PHKB: variants seen among roughly 807,000 people sequenced by gnomAD.
The protein encoded by PHKB is phosphorylase b kinase regulatory subunit beta.
PHKB carries 122 observed loss-of-function variants against 152.1 expected under a neutral mutation model. That is an observed-to-expected ratio of 0.80 (90% CI 0.69 to 0.93). PHKB has a LOEUF of 0.93. Ranked by LOEUF, PHKB falls within the 40% of genes least tolerant of loss-of-function variation. The pLI is 0.00. For missense variants in PHKB, 1,304 were observed against 1,328.4 expected (o/e 0.98, Z 0.29); for synonymous variants, 436 against 464.9 (o/e 0.94, Z 0.80).
At chr16:47,597,100 G>T (rs768024133) in intron 13 of PHKB, among the ~76,000 whole-genome samples, 1 of 152,074 alleles carries the variant, frequency 6.6e-6, no homozygotes. Context: ...CACAGAAAAA[G>T]CATTATGCAT....
intron 10 of PHKB, among the ~76,000 whole-genome samples, chr16:47,592,730 G>C (rs1972049334): frequency 6.6e-6 from 1 of 152,174 alleles, no homozygotes; most frequent in South Asian, 2.1e-4. Flanking sequence ...TTTTGTCTTA[G>C]TAGCTCTCTG....
At chr16:47,526,699 A>G (rs550003310) in intron 6 of PHKB, among the ~76,000 whole-genome samples, 26 of 152,330 alleles carry the variant, frequency 1.7e-4, no homozygotes, top group Non-Finnish European at 3.1e-4. Flanking sequence ...GAGAAATACC[A>G]TGGAACAAAA....
At chr16:47,495,910 A>G (rs1311357172) in intron 1 of PHKB, among the ~76,000 whole-genome samples, 1 of 152,208 alleles carries the variant, frequency 6.6e-6, no homozygotes, top group African/African-American at 2.4e-5. Flanking sequence ...CGCTCAGAGC[A>G]AGTCTTATCT....
chr16:47,476,441 C>G (rs1969870011), intron 1 of PHKB, among the ~76,000 whole-genome samples: 1 of 152,026 alleles, frequency 6.6e-6, no homozygotes, highest in South Asian at 2.1e-4. Context: ...TATCCCAATT[C>G]TTAATAGGCT....
intron 26 of PHKB, 144 bp from the exon 27 acceptor site, chr16:47,688,897 T>C (rs552046906): frequency 3.6e-6 from 3 of 834,060 alleles, no homozygotes; most frequent in African/African-American, 3.3e-5. Context: ...TGGAAGTAAT[T>C]GTATCAACGG....
rs1041004846 is a variant in PHKB, at chr16:47,672,446, C to G, written c.2630+3029C>G. 2.0e-5 allele frequency among the ~76,000 whole-genome samples: 3 copies of G among 152,250 alleles called. No homozygotes were observed. In the East Asian group the frequency reaches 5.8e-4, roughly 29 times the overall value. On this transcript the variant is annotated intron_variant, in intron 26 of 30. Coordinates refer to ENST00000323584, the MANE Select transcript of PHKB (RefSeq NM_000293.3). ...TCTCTGTACATGGTATAAAAGTACTCTATTGTCACAGACTCAGGCATTGAT... is the reference window on the plus strand; with the variant it reads ...TCTCTGTACATGGTATAAAAGTACTGTATTGTCACAGACTCAGGCATTGAT...
At chr16:47,675,259 A>C (rs1973706552) in intron 26 of PHKB, among the ~76,000 whole-genome samples, 1 of 152,206 alleles carries the variant, frequency 6.6e-6, no homozygotes, top group African/African-American at 2.4e-5. Context: ...TACCCTGGTC[A>C]GTAACAGCGG....
In PHKB at chr16:47,664,948, T is replaced by G. The variant is rs759086628; in HGVS notation, c.2400T>G (p.Ile800Met). Residue 800 changes from isoleucine to methionine, a missense_variant, in exon 25 of 31, where the codon ATT (isoleucine) becomes ATG (methionine). Transcript: ENST00000323584. ...TTTCTTCCTCTATAGCCCCACACATTACTACTTTTCTGGTACATGGGAAAC... is the reference window on the plus strand; with the variant it reads ...TTTCTTCCTCTATAGCCCCACACATGACTACTTTTCTGGTACATGGGAAAC... ...QKFSSSIAPH[I>M]TTFLVHGKQV... The G allele has an allele frequency of 3.7e-6, 6 of 1,613,118 alleles. No individual in the cohort carries two copies. The highest frequency in any genetic ancestry group is 1.3e-5 in the African/African-American group (1 of 74,882).
At chr16:47,684,716 G>A (rs952932285) in intron 26 of PHKB, among the ~76,000 whole-genome samples, 1 of 151,734 alleles carries the variant, frequency 6.6e-6, no homozygotes, top group South Asian at 2.1e-4. Context: ...GCAGTGAGCC[G>A]AGATCATGCC....
At chr16:47,465,194 T>C (rs992230836) in intron 1 of PHKB, among the ~76,000 whole-genome samples, 3 of 152,234 alleles carry the variant, frequency 2.0e-5, no homozygotes, top group Non-Finnish European at 4.4e-5. Flanking sequence ...TGATTTCTGA[T>C]TTTATCTTTG....
rs140684160 is a variant in PHKB, at chr16:47,549,279, T to C, written c.710+1731T>C. On this transcript the variant is annotated intron_variant, in intron 7 of 30. Transcript: ENST00000323584. ...TGATTTTTAAAATTTACCTTTTCAG[T>C]ACATATGATTATCAGATATCTTCCT... Among the ~76,000 whole-genome samples the C allele has an allele frequency of 7.5e-3, 1,143 of 152,354 alleles. 19 individuals carry two copies. Among genetic ancestry groups the C allele is most frequent in the African/African-American group, 0.026 (1,082 of 41,584 alleles).
chr16:47,578,624 C>A (rs1464754209), intron 7 of PHKB, among the ~76,000 whole-genome samples: 1 of 152,080 alleles, frequency 6.6e-6, no homozygotes, highest in Non-Finnish European at 1.5e-5. Flanking sequence ...TCTCATTTGG[C>A]CTCCATTTAT....
chr16:47,629,094 A>G (rs1972770631), intron 14 of PHKB, among the ~76,000 whole-genome samples: 1 of 152,246 alleles, frequency 6.6e-6, no homozygotes, highest in Non-Finnish European at 1.5e-5. Flanking sequence ...GGGCATTACC[A>G]TTCAGGACAT....
chr16:47,662,477 C>T (rs1367345704), intron 23 of PHKB, among the ~76,000 whole-genome samples: 1 of 152,154 alleles, frequency 6.6e-6, no homozygotes, highest in Non-Finnish European at 1.5e-5. Context: ...TGAAAATACT[C>T]TGTTAAGAGG....
rs1400814314 is a variant in PHKB, at chr16:47,594,190, C to G, written c.1180C>G (p.Pro394Ala). Residue 394 changes from proline to alanine, a missense_variant, in exon 12 of 31, where the codon CCA becomes GCA. Physicochemically the swap from Pro to Ala is conservative, Grantham distance 27. Coordinates refer to ENST00000323584, the MANE Select transcript of PHKB (RefSeq NM_000293.3). ...ACAGGAATATCAGGATCTTTTGACT[C>G]CAGTACTTCATCATACCACAGAAGG... Reference protein sequence around the residue: ...QVQEYQDLLTPVLHHTTEGYP... With the variant: ...QVQEYQDLLTAVLHHTTEGYP... 2 of 1,567,120 alleles carry G rather than the reference C, an allele frequency of 1.3e-6. No homozygotes were observed. Among genetic ancestry groups the G allele is most frequent in the Non-Finnish European group, 1.8e-6 (2 of 1,137,814 alleles).
At chr16:47,477,695 C>T (rs1378745930) in intron 1 of PHKB, among the ~76,000 whole-genome samples, 1 of 152,154 alleles carries the variant, frequency 6.6e-6, no homozygotes, top group African/African-American at 2.4e-5. Flanking sequence ...GACAGCATCT[C>T]CAAGGCCAAA....
At chr16:47,468,325 C>G (rs763706177) in intron 1 of PHKB, among the ~76,000 whole-genome samples, 1 of 152,210 alleles carries the variant, frequency 6.6e-6, no homozygotes, top group African/African-American at 2.4e-5. Flanking sequence ...ATGTCACTTT[C>G]CTGCTTAAGG....
chr16:47,609,969 C>T (rs1972396143), intron 13 of PHKB, among the ~76,000 whole-genome samples: 3 of 151,328 alleles, frequency 2.0e-5, no homozygotes, highest in Admixed American at 2.0e-4. Context: ...TTAGTTTGCT[C>T]TTTTTCATCC....
intron 6 of PHKB, among the ~76,000 whole-genome samples, chr16:47,544,414 A>T (rs745315272): frequency 9.2e-5 from 14 of 152,148 alleles, no homozygotes; most frequent in Non-Finnish European, 1.2e-4. Flanking sequence ...GAGTTTGTTG[A>T]TCCTGAGTCA....
Sources: allele counts gnomAD v4.1 joint callset (sites outside exome capture counted in the v4.1 genomes callset), GRCh38; gene constraint gnomAD v4.1.1; transcripts MANE v1.5; gene names NCBI Gene and HGNC (gene_info 2026-07-23, HGNC 2026-07-21).